The following ELAVL4 variants were observed in gnomAD, a reference collection of about 807,000 sequenced individuals.
The protein encoded by ELAVL4 is ELAV-like protein 4.
Under a neutral mutation model 35.6 loss-of-function variants are expected in ELAVL4, and 1 was observed. The observed-to-expected ratio is 0.03, with a 90% CI of 0.01 to 0.13. ELAVL4 has a LOEUF of 0.13. Ranked by LOEUF, ELAVL4 falls within the 10% of genes least tolerant of loss-of-function variation. The probability of loss-of-function intolerance (pLI) is 1.00; values close to 1 mark genes in which losing one functional copy is unlikely to be tolerated. For synonymous variants in ELAVL4, 156 were observed against 171.0 expected, an observed-to-expected ratio of 0.91 and a Z score of 0.69; for missense variants, 267 against 464.9, an observed-to-expected ratio of 0.57 and a Z score of 3.91.
chr1:50,181,510 C>T (rs765913114), intron 3 of ELAVL4, among the ~76,000 whole-genome samples: 1 of 152,174 alleles, frequency 6.6e-6, no homozygotes, highest in Non-Finnish European at 1.5e-5. Flanking sequence ...GGACCATGGG[C>T]TTACATTCAC....
intron 2 of ELAVL4, among the ~76,000 whole-genome samples, chr1:50,171,922 A>G (rs963449938): frequency 6.6e-6 from 1 of 152,324 alleles, no homozygotes; most frequent in Admixed American, 6.5e-5. Flanking sequence ...GGATTTTATC[A>G]TGCACTTTCA....
At chr1:50,173,103 A>G (rs1195292347) in intron 2 of ELAVL4, among the ~76,000 whole-genome samples, 1 of 152,158 alleles carries the variant, frequency 6.6e-6, no homozygotes, top group African/African-American at 2.4e-5. Flanking sequence ...GCATACATCC[A>G]TTCTTTCATT....
chr1:50,120,225 G>A (rs1668796823), intron 1 of ELAVL4, among the ~76,000 whole-genome samples: 2 of 152,042 alleles, frequency 1.3e-5, no homozygotes, highest in South Asian at 2.1e-4. Context: ...AAAAGAGGGA[G>A]ACATTAGTTC....
chr1:50,106,661 T>C (rs982974317), upstream of ELAVL4, among the ~76,000 whole-genome samples: 2 of 152,194 alleles, frequency 1.3e-5, no homozygotes, highest in East Asian at 1.9e-4. Flanking sequence ...GATAATAAGG[T>C]TGACTTTTCC....
chr1:50,151,478 T>A (rs1380954378), intron 2 of ELAVL4, among the ~76,000 whole-genome samples: 1 of 152,208 alleles, frequency 6.6e-6, no homozygotes, highest in Non-Finnish European at 1.5e-5. Context: ...TTTTCTTTAT[T>A]GTGCAGGCAC....
At chr1:50,081,967 A>T (rs1002696737) in intron 1 of ELAVL4, among the ~76,000 whole-genome samples, 7 of 152,064 alleles carry the variant, frequency 4.6e-5, no homozygotes, top group South Asian at 2.1e-4. Flanking sequence ...GCTGAGACTG[A>T]TGGCTTCCAG....
chr1:50,119,863 T>C (rs987630627), intron 1 of ELAVL4, among the ~76,000 whole-genome samples: 2 of 151,860 alleles, frequency 1.3e-5, no homozygotes, highest in African/African-American at 4.8e-5. Flanking sequence ...TTTAATGTAA[T>C]TAGGGCAGGT....
chr1:50,080,460 T>TC (rs1664958977), intron 1 of ELAVL4, among the ~76,000 whole-genome samples: 1 of 152,032 alleles, frequency 6.6e-6, no homozygotes, highest in African/African-American at 2.4e-5. Flanking sequence ...ACTGATGTGG[T>TC]CAGGCAATCA....
intron 1 of ELAVL4, among the ~76,000 whole-genome samples, chr1:50,078,090 T>G (rs1664843521): frequency 6.6e-6 from 1 of 151,028 alleles, no homozygotes; most frequent in Non-Finnish European, 1.5e-5. Context: ...TGGCATTTAG[T>G]ATACAAATAT....
At chr1:50,154,249 T>C (rs532852345) in intron 2 of ELAVL4, among the ~76,000 whole-genome samples, 2 of 152,324 alleles carry the variant, frequency 1.3e-5, no homozygotes, top group East Asian at 3.9e-4. Context: ...TTCCTTCTAC[T>C]TTGCTAGTAA....
upstream of ELAVL4, among the ~76,000 whole-genome samples, chr1:50,107,425 A>T (rs1488557841): frequency 1.3e-5 from 2 of 152,226 alleles, no homozygotes; most frequent in East Asian, 3.9e-4. Context: ...ATGTATCTGT[A>T]TTTTCTGAAG....
intron 1 of ELAVL4, among the ~76,000 whole-genome samples, chr1:50,137,449 G>A (rs982992458): frequency 6.6e-6 from 1 of 151,816 alleles, no homozygotes; most frequent in Non-Finnish European, 1.5e-5. Context: ...TGAGGTGGGA[G>A]GATCACTTGA....
intron 2 of ELAVL4, among the ~76,000 whole-genome samples, chr1:50,145,804 G>T (rs1370485697): frequency 6.6e-6 from 1 of 152,208 alleles, no homozygotes; most frequent in Admixed American, 6.5e-5. Flanking sequence ...TACTCTTTGA[G>T]ATGTGAGGGC....
chr1:50,152,993 TC>T (rs1675060077), intron 2 of ELAVL4, among the ~76,000 whole-genome samples: 1 of 152,102 alleles, frequency 6.6e-6, no homozygotes, highest in Non-Finnish European at 1.5e-5. Flanking sequence ...TGTGAGGAGG[TC>T]AAAATGGATA....
At chr1:50,159,345 T>C (rs996683526) in intron 2 of ELAVL4, among the ~76,000 whole-genome samples, 2 of 152,206 alleles carry the variant, frequency 1.3e-5, no homozygotes, top group Non-Finnish European at 2.9e-5. Context: ...TGGTGCCTCA[T>C]GCCTATAATC....
At chr1:50,121,644 T>C (rs1291643408) in intron 1 of ELAVL4, among the ~76,000 whole-genome samples, 1 of 152,050 alleles carries the variant, frequency 6.6e-6, no homozygotes, top group Non-Finnish European at 1.5e-5. Context: ...GTGAGCTCTG[T>C]ATTATACAAA....
chr1:50,063,279 A>T (rs1020720989), intron 1 of ELAVL4, among the ~76,000 whole-genome samples: 4 of 152,090 alleles, frequency 2.6e-5, no homozygotes, highest in African/African-American at 7.2e-5. Context: ...GGTGAATATT[A>T]TTTTTATTAT....
Position 50,125,081 on chromosome 1 carries a change from G to T in ELAVL4, c.9+15883G>T, listed in dbSNP as rs1399071386. Among the ~76,000 whole-genome samples, 3 of 151,892 alleles carry T rather than the reference G, an allele frequency of 2.0e-5. No individual in the cohort carries two copies. In the South Asian group the frequency reaches 6.2e-4, roughly 32 times the overall value. Reference sequence around the variant, plus strand: ...AGAAGACAGAGAATAGAGTAAGTAAGTAGTAAGTAGAACATGGCATAGTAG... The same window carrying T: ...AGAAGACAGAGAATAGAGTAAGTAATTAGTAAGTAGAACATGGCATAGTAG... On this transcript the variant is annotated intron_variant, in intron 1 of 6. Transcript: ENST00000371824.
At chr1:50,174,845 G>T (rs1679708580) in intron 2 of ELAVL4, 1 of 152,200 alleles carries the variant, frequency 6.6e-6, no homozygotes, top group South Asian at 2.1e-4. Context: ...AGTGTGTCAG[G>T]AGCATGTACC....
Sources: allele counts gnomAD v4.1 joint callset (sites outside exome capture counted in the v4.1 genomes callset), GRCh38; gene constraint gnomAD v4.1.1; transcripts MANE v1.5; gene names NCBI Gene and HGNC (gene_info 2026-07-23, HGNC 2026-07-21).